Variants in LAMA2 observed in about 807,000 individuals in gnomAD.
LAMA2 encodes laminin subunit alpha-2.
A neutral mutation model predicts 364.8 loss-of-function variants in LAMA2; 269 were observed. The ratio of observed to expected loss-of-function variants is 0.74; its 90% confidence interval spans 0.67 to 0.82. The LOEUF is 0.82. LAMA2 is among the 40% of genes least tolerant of loss of function. The pLI is 0.00. For missense variants in LAMA2, 3,807 were observed against 3,873.2 expected, an observed-to-expected ratio of 0.98 and a Z score of 0.45; for synonymous variants, 1,379 against 1,370.6, an observed-to-expected ratio of 1.01 and a Z score of -0.14.
rs758775001 is a variant in LAMA2 at position 129,391,535 on chromosome 6, C to G, written c.5116C>G (p.Arg1706Gly). The change falls in exon 36 of 65, where the codon CGA (arginine) becomes GGA (glycine). Residue 1706 changes from arginine (R) to glycine (G), a missense_variant. Transcript: ENST00000421865. Reference sequence around the variant, plus strand: ...AAAACTAAATGAAACTCTAGGAACTCGAGACGAGGCCTTTGAGAGAAATTT... The same window carrying G: ...AAAACTAAATGAAACTCTAGGAACTGGAGACGAGGCCTTTGAGAGAAATTT... ...AIKLNETLGT[R>G]DEAFERNLEG... 2 of 1,613,640 alleles carry G rather than the reference C, an allele frequency of 1.2e-6. No homozygotes were observed. Among genetic ancestry groups the G allele is most frequent in the African/African-American group, 1.3e-5 (1 of 74,858 alleles).
chr6:129,200,121 T>TACAC (rs1782112070), intron 12 of LAMA2, among the ~76,000 whole-genome samples: 1 of 116,636 alleles, frequency 8.6e-6, no homozygotes, highest in Non-Finnish European at 1.8e-5. Flanking sequence ...CGTATATATA[T>TACAC]GTGTATATAT....
At chr6:129,051,544 T>C (rs989967496) in intron 2 of LAMA2, among the ~76,000 whole-genome samples, 4 of 13,380 alleles carry the variant, frequency 3.0e-4, no homozygotes, top group Non-Finnish European at 1.0e-3. Flanking sequence ...ACTCCTGACC[T>C]CAAGTGATCA....
intron 1 of LAMA2, among the ~76,000 whole-genome samples, chr6:129,012,463 A>C (rs1309108391): frequency 6.6e-6 from 1 of 152,182 alleles, no homozygotes; most frequent in Non-Finnish European, 1.5e-5. Context: ...ATGATATAAG[A>C]AGTATTCTGT....
intron 35 of LAMA2, among the ~76,000 whole-genome samples, chr6:129,387,650 CAAATGCCCATCAATGAT>C (rs1370655280): frequency 6.6e-6 from 1 of 152,148 alleles, no homozygotes; most frequent in African/African-American, 2.4e-5. Flanking sequence ...GGAACCAACC[CAAATGCCCATCAATGAT>C]AGATTAGGTA....
chr6:129,503,264 A>G lies in LAMA2; in HGVS notation c.8531A>G (p.Asp2844Gly). Reference protein sequence around the residue: ...THTMIPTKINDGQWHKIKIMR... With the variant: ...THTMIPTKINGGQWHKIKIMR... ...ACCATGATCCCCACCAAAATCAATG[A>G]TGGCCAGTGGCACAAGGTAATAGTC... is the stretch of plus-strand genomic sequence containing the variant. The change falls in exon 60 of 65, where the codon GAT becomes GGT. Residue 2844 changes from aspartate (D) to glycine (G), a missense_variant. Asp to Gly is a moderately conservative substitution (Grantham distance 94). Transcript: ENST00000421865. 6.2e-7 allele frequency: 1 copy of G among 1,613,908 alleles called. No individual in the cohort carries two copies. The highest frequency in any genetic ancestry group is 8.5e-7 in the Non-Finnish European group (1 of 1,179,960).
intron 1 of LAMA2, among the ~76,000 whole-genome samples, chr6:128,956,192 A>G (rs1298409152): frequency 6.6e-6 from 1 of 151,942 alleles, no homozygotes; most frequent in Non-Finnish European, 1.5e-5. Context: ...ATTTTAAAAT[A>G]ATATTTTAAT....
chr6:129,217,723 C>G (rs115218247), intron 12 of LAMA2, among the ~76,000 whole-genome samples: 3,504 of 152,082 alleles, frequency 0.023, 149 homozygotes, highest in African/African-American at 0.078. Context: ...ACTTCACATA[C>G]AGAAAAATGA....
chr6:129,098,095 C>A, intron 3 of LAMA2, 78 bp from the exon 4 acceptor site: 2 of 1,396,200 alleles, frequency 1.4e-6, no homozygotes, highest in Non-Finnish European at 2.0e-6. Flanking sequence ...TCTACTGTAG[C>A]ATTTAGACTT....
intron 1 of LAMA2, among the ~76,000 whole-genome samples, chr6:129,008,835 G>A (rs1178571817): frequency 2.6e-5 from 4 of 152,102 alleles, no homozygotes; most frequent in East Asian, 1.9e-4. Flanking sequence ...TTTTCCAAAC[G>A]ATTCACACAG....
In LAMA2 at chr6:129,101,906, C is replaced by A. The variant is rs374023169; in HGVS notation, c.639+3491C>A. 6.0e-3 allele frequency among the ~76,000 whole-genome samples: 919 copies of A among 152,266 alleles called. 8 individuals are homozygous for A. Among genetic ancestry groups the A allele is most frequent in the African/African-American group, 0.021 (879 of 41,548 alleles). On this transcript the variant is annotated intron_variant, in intron 4 of 64. Transcript: ENST00000421865. ...GATTCTAATTAAAAATGACTTGGAA[C>A]TTTTTACTGTATACACTATGTATTT...
intron 12 of LAMA2, among the ~76,000 whole-genome samples, chr6:129,210,891 T>C (rs1783058704): frequency 6.6e-6 from 1 of 152,104 alleles, no homozygotes. Context: ...GAGTTCATTT[T>C]AGTTCAAGCA....
In LAMA2 at chr6:129,505,182, C is replaced by T; in HGVS notation, c.8548-18C>T. On this transcript the variant is annotated intron_variant, in intron 60 of 64. Transcript: ENST00000421865. ...ATTTGTTCAGGATTGGCATTAATGA[C>T]TCCTTTCTTTTTTGTAGATTAAGAT... 1 of 1,610,534 alleles carries T rather than the reference C, an allele frequency of 6.2e-7. No individual in the cohort carries two copies. The highest frequency in any genetic ancestry group is 1.1e-5 in the South Asian group (1 of 91,022).
intron 1 of LAMA2, among the ~76,000 whole-genome samples, chr6:129,038,963 C>A (rs1213154269): frequency 7.9e-5 from 12 of 152,148 alleles, no homozygotes; most frequent in Admixed American, 7.9e-4. Context: ...AATTAAAGGT[C>A]TGATTAGTTT....
intron 30 of LAMA2, among the ~76,000 whole-genome samples, chr6:129,347,271 G>A (rs1776605368): frequency 6.6e-6 from 1 of 152,162 alleles, no homozygotes; most frequent in South Asian, 2.1e-4. Context: ...TGGAGTGGCT[G>A]TTGACTGGGA....
At chr6:129,330,615 T>TTTCC (rs1398796911) in intron 29 of LAMA2, among the ~76,000 whole-genome samples, 1 of 149,178 alleles carries the variant, frequency 6.7e-6, no homozygotes, top group Non-Finnish European at 1.5e-5. Flanking sequence ...TTTTTTTTTT[T>TTTCC]CCCACTGTGT....
intron 3 of LAMA2, among the ~76,000 whole-genome samples, chr6:129,096,366 G>T (rs1023198633): frequency 2.6e-5 from 4 of 151,966 alleles, no homozygotes; most frequent in African/African-American, 9.7e-5. Flanking sequence ...AAAAAATATA[G>T]CAGAATACGG....
intron 18 of LAMA2, among the ~76,000 whole-genome samples, chr6:129,285,125 C>CT (rs1789009308): frequency 1.3e-5 from 2 of 152,152 alleles, no homozygotes; most frequent in Non-Finnish European, 1.5e-5. Flanking sequence ...TGATCAGACT[C>CT]TAACACACTA....
intron 4 of LAMA2, among the ~76,000 whole-genome samples, chr6:129,100,541 C>T (rs1002630638): frequency 6.6e-6 from 1 of 152,170 alleles, no homozygotes; most frequent in African/African-American, 2.4e-5. Flanking sequence ...TCCTCCAAGA[C>T]TCTCAGCTCA....
chr6:129,399,133 C>T (rs1329441787), intron 37 of LAMA2, among the ~76,000 whole-genome samples: 1 of 152,036 alleles, frequency 6.6e-6, no homozygotes, highest in Non-Finnish European at 1.5e-5. Flanking sequence ...TTTAGCAACT[C>T]CCGGCAAAAG....
Sources: allele counts gnomAD v4.1 joint callset (sites outside exome capture counted in the v4.1 genomes callset), GRCh38; gene constraint gnomAD v4.1.1; transcripts MANE v1.5; gene names NCBI Gene and HGNC (gene_info 2026-07-23, HGNC 2026-07-21).